Variants in USP45 observed in about 807,000 individuals in gnomAD.
The protein encoded by USP45 is ubiquitin carboxyl-terminal hydrolase 45.
Under a neutral mutation model 95.8 loss-of-function variants are expected in USP45, and 89 were observed. The ratio of observed to expected loss-of-function variants is 0.93; its 90% CI spans 0.78 to 1.11. USP45 has a LOEUF of 1.11. Ranked by LOEUF, USP45 falls within the 50% of genes least tolerant of loss-of-function variation. USP45 has a pLI of 0.00. For synonymous variants in USP45, 281 were observed against 316.2 expected (o/e 0.89, Z 1.18); for missense variants, 898 against 942.5 (o/e 0.95, Z 0.62).
intron 16 of USP45, among the ~76,000 whole-genome samples, chr6:99,438,903 C>T (rs1442347640): frequency 1.3e-5 from 2 of 152,176 alleles, no homozygotes; most frequent in Non-Finnish European, 2.9e-5. Context: ...GGAAATTCTC[C>T]GTAATAGGTA....
At chr6:99,488,649 T>C in intron 6 of USP45, 32 bp downstream of exon 6, 1 of 1,580,226 alleles carries the variant, frequency 6.3e-7, no homozygotes, top group Non-Finnish European at 8.6e-7. Flanking sequence ...GAGAATCTTT[T>C]ACATATTACA....
rs918522211 is a variant in USP45 at position 99,446,116 on chromosome 6, A to G, written c.1656T>C (p.Asp552=). The part of the protein sequence containing the change: ...LLYTKETDSG[D]KEMAEAISEL... ...CAGAAATAGCTTCTGCCATTTCCTT[A>G]TCACCACTGTCAGTCTCCTTGGTGT... The change falls in exon 14 of 18, where the codon GAT becomes GAC. Residue 552 remains aspartate (D), a synonymous_variant. Transcript: ENST00000500704. The G allele has an allele frequency of 5.0e-6, 8 of 1,614,128 alleles. No individual in the cohort carries two copies. The highest frequency in any genetic ancestry group is 5.9e-6 in the Non-Finnish European group (7 of 1,180,034).
chr6:99,515,999 G>A (rs1801073005), upstream of USP45, among the ~76,000 whole-genome samples: 1 of 151,798 alleles, frequency 6.6e-6, no homozygotes, highest in African/African-American at 2.4e-5. Flanking sequence ...GGATGGTCTC[G>A]ATCTCCTGAC....
chr6:99,491,409 C>A (rs1181738078), intron 5 of USP45, among the ~76,000 whole-genome samples: 1 of 152,120 alleles, frequency 6.6e-6, no homozygotes, highest in Non-Finnish European at 1.5e-5. Flanking sequence ...TAAATAGAAC[C>A]TAGAATAGGA....
In USP45 at chr6:99,454,792, A is replaced by G. The variant is rs376716047; in HGVS notation, c.1309-8329T>C. 4.7e-4 allele frequency among the ~76,000 whole-genome samples: 71 copies of G among 152,308 alleles called. 1 individual carries two copies. In the South Asian group the frequency reaches 0.014, roughly 30 times the overall value. On this transcript the variant is annotated intron_variant, in intron 13 of 17. Transcript: ENST00000500704. ...ATGTAATTAGTACAGCCATCATAGA[A>G]AACAGTATGGAGATGGCTGGGTGCA...
chr6:99,481,232 T>C (rs1242951471), intron 8 of USP45, among the ~76,000 whole-genome samples: 1 of 152,204 alleles, frequency 6.6e-6, no homozygotes, highest in East Asian at 1.9e-4. Flanking sequence ...TGTGCTAACA[T>C]GGAAAGATGT....
intron 7 of USP45, among the ~76,000 whole-genome samples, chr6:99,484,004 G>GTTTTTTTT (rs773687208): frequency 0.35 from 31,848 of 90,934 alleles, 7,274 homozygotes; most frequent in East Asian, 0.7. Context: ...ATTTTCCATA[G>GTTTTTTTT]TTTTTTTTTT....
intron 13 of USP45, chr6:99,461,779 T>A (rs1197988087): frequency 2.0e-6 from 2 of 982,654 alleles, no homozygotes; most frequent in East Asian, 2.3e-4. Context: ...TGCAAGGTGC[T>A]TCTATTACTG....
chr6:99,434,212 A>G lies in USP45; in HGVS notation c.*1504T>C, dbSNP rs1020742620. 6 of 149,746 alleles carry G rather than the reference A, an allele frequency of 4.0e-5. No homozygotes were observed. Among genetic ancestry groups the G allele is most frequent in the African/African-American group, 1.4e-4 (6 of 41,386 alleles). The allele number at this position is 149,746 out of a possible 1,614,324, so 9.3% of individuals were successfully genotyped here. A position where few individuals can be genotyped will look rare whatever the true frequency, so the allele number is the denominator to read the frequency against. ...TTGTATACTATTACCGTCTTTAATTACAGTTATGTTCATCCATATATCAAA... is the reference window on the plus strand; with the variant it reads ...TTGTATACTATTACCGTCTTTAATTGCAGTTATGTTCATCCATATATCAAA... On this transcript the variant is annotated 3_prime_UTR_variant, in exon 18 of 18. Coordinates refer to ENST00000500704, the MANE Select transcript of USP45 (RefSeq NM_001346022.3).
rs1466214899 is a variant in USP45 at position 99,484,177 on chromosome 6, T to TG, written c.715-1295_715-1294insC. On this transcript the variant is annotated intron_variant, in intron 7 of 17. Coordinates refer to ENST00000500704, the MANE Select transcript of USP45 (RefSeq NM_001346022.3). The stretch of plus-strand genomic sequence containing the variant: ...CAAGACAGACTTTTGTGTTTTTTCT[T>TG]TTTTTTTTTTTAGACGAAGTCTCAC... Among the ~76,000 whole-genome samples the TG allele has an allele frequency of 4.8e-5, 7 of 144,454 alleles. No homozygotes were observed. In the East Asian group the frequency reaches 1.4e-3, roughly 29 times the overall value. 94.8% of individuals were successfully genotyped at this position (144,454 alleles called of 152,430 possible).
intron 15 of USP45, among the ~76,000 whole-genome samples, chr6:99,442,062 GGCTTT>G (rs1468156643): frequency 6.6e-6 from 1 of 152,160 alleles, no homozygotes; most frequent in Non-Finnish European, 1.5e-5. Flanking sequence ...ATAAGAATGT[GGCTTT>G]GCTGACATTA....
At chr6:99,502,471 C>G (rs1022954877) in intron 5 of USP45, among the ~76,000 whole-genome samples, 4 of 152,306 alleles carry the variant, frequency 2.6e-5, no homozygotes, top group Admixed American at 2.0e-4. Flanking sequence ...AACCCTCAAG[C>G]CTGCAGCTAG....
In USP45 at chr6:99,446,481, T is replaced by C; in HGVS notation, c.1309-18A>G. The C allele has an allele frequency of 6.3e-7, 1 of 1,579,070 alleles. No individual in the cohort carries two copies. Among genetic ancestry groups the C allele is most frequent in the Non-Finnish European group, 8.6e-7 (1 of 1,165,578 alleles). On this transcript the variant is annotated intron_variant, in intron 13 of 17. Coordinates refer to ENST00000500704, the MANE Select transcript of USP45 (RefSeq NM_001346022.3). ...AGTTGACTCTGTAAGTTGACAGTGT[T>C]TTCAAAGAAAAGAGTCTTGTAACCT...
At chr6:99,485,477 A>C (rs1793656525) in intron 7 of USP45, among the ~76,000 whole-genome samples, 1 of 152,244 alleles carries the variant, frequency 6.6e-6, no homozygotes, top group Admixed American at 6.5e-5. Context: ...TGTATATAGT[A>C]AGATTCCATT....
intron 7 of USP45, among the ~76,000 whole-genome samples, chr6:99,484,109 C>T (rs1295908251): frequency 1.4e-5 from 2 of 142,444 alleles, no homozygotes; most frequent in Non-Finnish European, 3.0e-5. Flanking sequence ...TAGCTGGGAT[C>T]GCAGGCATGA....
At chr6:99,453,173 G>GAAAAAAAAAAAAA (rs35773193) in intron 13 of USP45, among the ~76,000 whole-genome samples, 1 of 140,704 alleles carries the variant, frequency 7.1e-6, no homozygotes. Context: ...ACTTAAAAAA[G>GAAAAAAAAAAAAA]AAAAAAAAAA....
At chr6:99,462,682 G>A in intron 13 of USP45, 1 of 985,674 alleles carries the variant, frequency 1.0e-6, no homozygotes, top group Non-Finnish European at 1.2e-6. Flanking sequence ...TCTTCTAACA[G>A]AGTAAGTTAA....
At chr6:99,440,705 C>T (rs946108049) in intron 15 of USP45, among the ~76,000 whole-genome samples, 82 of 150,970 alleles carry the variant, frequency 5.4e-4, no homozygotes, top group Admixed American at 9.2e-4. Flanking sequence ...TTTTTTTTGC[C>T]GAAGTGTATT....
chr6:99,474,866 C>G (rs1790409535), intron 9 of USP45, among the ~76,000 whole-genome samples: 1 of 152,112 alleles, frequency 6.6e-6, no homozygotes, highest in African/African-American at 2.4e-5. Flanking sequence ...GAAACCCCTC[C>G]CAGAAGAAGT....
Sources: gnomAD v4.1 joint callset for allele counts (sites outside exome capture counted in the v4.1 genomes callset) on GRCh38, gnomAD v4.1.1 for gene constraint, MANE v1.5 for transcripts, NCBI Gene and HGNC (gene_info 2026-07-23, HGNC 2026-07-21) for gene names.